Variants in PAH observed in about 807,000 individuals in gnomAD.
The protein encoded by PAH is phenylalanine-4-hydroxylase.
A neutral mutation model predicts 62.0 loss-of-function variants in PAH; 64 were observed. That is an observed-to-expected ratio of 1.03 (90% CI 0.84 to 1.27). The LOEUF is 1.27. Among genes scored for constraint, PAH ranks in the 50% most tolerant of loss-of-function variants. The probability of loss-of-function intolerance (pLI) is 0.00; values close to 1 mark genes in which losing one functional copy is unlikely to be tolerated. For missense variants in PAH, 579 were observed against 542.8 expected (o/e 1.07, Z -0.66); for synonymous variants, 195 against 196.2 (o/e 0.99, Z 0.05).
At chr12:102,935,242 A>G (rs1249456876) in intron 1 of PAH, among the ~76,000 whole-genome samples, 1 of 152,140 alleles carries the variant, frequency 6.6e-6, no homozygotes, top group Non-Finnish European at 1.5e-5. Context: ...CCTGGGATAA[A>G]TCTCACGTGG....
intron 11 of PAH, among the ~76,000 whole-genome samples, chr12:102,842,596 A>C (rs903975919): frequency 2.6e-5 from 4 of 151,996 alleles, no homozygotes; most frequent in African/African-American, 9.7e-5. Flanking sequence ...GATAATTTTT[A>C]CCTTTCTTTG....
intron 2 of PAH, among the ~76,000 whole-genome samples, chr12:102,901,701 G>A (rs1877767406): frequency 6.6e-6 from 1 of 152,132 alleles, no homozygotes; most frequent in Non-Finnish European, 1.5e-5. Flanking sequence ...ACTATGTGCT[G>A]TTATCTTGGA....
rs148356683 is a variant in PAH at position 102,933,733 on chromosome 12, TTA to T, written c.-95-16510_-95-16509del. ...ACGTTTTCATATGCCTGTTTTCCAT[TTA>T]TATGTTTTCTTTTCACAATGCTTAT... On this transcript the variant is annotated intron_variant, in intron 1 of 3. Coordinates refer to the PAH transcript ENST00000546844. Among the ~76,000 whole-genome samples, 890 of 152,268 alleles carry T rather than the reference TTA, an allele frequency of 5.8e-3. 12 individuals carry two copies. Among genetic ancestry groups the T allele is most frequent in the African/African-American group, 0.02 (843 of 41,558 alleles).
chr12:102,871,547 A>G (rs1224383312), intron 4 of PAH, among the ~76,000 whole-genome samples: 1 of 152,052 alleles, frequency 6.6e-6, no homozygotes, highest in Non-Finnish European at 1.5e-5. Context: ...TAATGATTAA[A>G]CTCAGGAAAC....
chr12:102,949,477 C>G (rs927776596), intron 1 of PAH, among the ~76,000 whole-genome samples: 2 of 152,176 alleles, frequency 1.3e-5, no homozygotes, highest in Non-Finnish European at 2.9e-5. Context: ...TTACTCAACC[C>G]TCTCATTTTA....
At chr12:102,875,954 C>G (rs28380089) in intron 4 of PAH, among the ~76,000 whole-genome samples, 5 of 149,952 alleles carry the variant, frequency 3.3e-5, no homozygotes, top group Non-Finnish European at 5.9e-5. Context: ...TATATATAGA[C>G]AGAGCGAGAA....
intron 2 of PAH, among the ~76,000 whole-genome samples, chr12:102,903,856 A>G (rs1220045755): frequency 1.3e-5 from 2 of 152,098 alleles, no homozygotes; most frequent in African/African-American, 4.8e-5. Context: ...TCCCTAGAGA[A>G]TATGTGGTAA....
At chr12:102,876,474 C>T (rs776251073) in intron 4 of PAH, among the ~76,000 whole-genome samples, 3 of 152,200 alleles carry the variant, frequency 2.0e-5, no homozygotes, top group East Asian at 1.9e-4. Context: ...TCCTGAAAAG[C>T]GCCTTTGCGA....
chr12:102,841,656 C>T (rs772898), intron 11 of PAH, among the ~76,000 whole-genome samples: 134,199 of 152,202 alleles, frequency 0.88, 59,297 homozygotes, highest in African/African-American at 0.93. Flanking sequence ...TATTTCCACC[C>T]CTTCTTCTCT....
intron 1 of PAH, among the ~76,000 whole-genome samples, chr12:102,936,432 T>G (rs1307449725): frequency 6.6e-6 from 1 of 152,190 alleles, no homozygotes; most frequent in Non-Finnish European, 1.5e-5. Flanking sequence ...TGATATTTCT[T>G]TGTTAATTTT....
chr12:102,954,514 T>C (rs991275427), upstream of PAH, among the ~76,000 whole-genome samples: 1 of 152,192 alleles, frequency 6.6e-6, no homozygotes, highest in African/African-American at 2.4e-5. Context: ...TGGAGGTAGA[T>C]ACTATAATTA....
chr12:102,888,246 C>A (rs1193228591), intron 3 of PAH, among the ~76,000 whole-genome samples: 1 of 151,920 alleles, frequency 6.6e-6, no homozygotes, highest in African/African-American at 2.4e-5. Context: ...AAAATTGAGG[C>A]CTAAAGAGGG....
At chr12:102,911,130 A>G (rs1212037228) in intron 2 of PAH, among the ~76,000 whole-genome samples, 3 of 152,184 alleles carry the variant, frequency 2.0e-5, no homozygotes, top group Admixed American at 2.0e-4. Flanking sequence ...CTTGGCTGTC[A>G]GCCCAGCCCT....
chr12:102,842,359 A>G (rs1324028710), intron 11 of PAH, among the ~76,000 whole-genome samples: 1 of 152,158 alleles, frequency 6.6e-6, no homozygotes, highest in African/African-American at 2.4e-5. Flanking sequence ...GAGCTGGAGA[A>G]ATAGTCATTT....
At chr12:102,880,719 C>G (rs982486967) in intron 3 of PAH, among the ~76,000 whole-genome samples, 1 of 151,988 alleles carries the variant, frequency 6.6e-6, no homozygotes, top group Non-Finnish European at 1.5e-5. Flanking sequence ...AGTCACCATC[C>G]TAGTGGTGCT....
At chr12:102,880,707 G>A (rs922260150) in intron 3 of PAH, among the ~76,000 whole-genome samples, 1 of 152,036 alleles carries the variant, frequency 6.6e-6, no homozygotes, top group Non-Finnish European at 1.5e-5. Flanking sequence ...TGCATACAAG[G>A]GAGTCACCAT....
At chr12:102,937,300 T>C (rs1355413155) in intron 1 of PAH, among the ~76,000 whole-genome samples, 1 of 152,212 alleles carries the variant, frequency 6.6e-6, no homozygotes, top group Non-Finnish European at 1.5e-5. Context: ...CTGTTGCTTA[T>C]TTTTCTGGTT....
At chr12:102,870,889 T>C (rs1377248093) in intron 4 of PAH, among the ~76,000 whole-genome samples, 2 of 152,214 alleles carry the variant, frequency 1.3e-5, no homozygotes, top group East Asian at 1.9e-4. Context: ...AAGAAGCCTA[T>C]TCTGGAAAAA....
chr12:102,914,857 A>C (rs1335675439), intron 1 of PAH, among the ~76,000 whole-genome samples: 1 of 152,196 alleles, frequency 6.6e-6, no homozygotes, highest in African/African-American at 2.4e-5. Flanking sequence ...GCCAATCACA[A>C]GTCTGATCTC....
Sources: allele counts gnomAD v4.1 joint callset (sites outside exome capture counted in the v4.1 genomes callset), GRCh38; gene constraint gnomAD v4.1.1; transcripts MANE v1.5; gene names NCBI Gene and HGNC (gene_info 2026-07-23, HGNC 2026-07-21).